The following ULK1 variants were observed in gnomAD, a reference collection of about 807,000 sequenced individuals.
ULK1 encodes unc-51 like autophagy activating kinase 1.
In ULK1, 48 loss-of-function variants were observed where a neutral mutation model predicts 117.5. That is an observed-to-expected ratio of 0.41 (90% CI 0.32 to 0.52). ULK1 has a LOEUF of 0.52. Among genes scored for constraint, ULK1 ranks in the 20% least tolerant of loss-of-function variants. The pLI, the probability that ULK1 is intolerant of heterozygous loss-of-function variation, is 0.29. For missense variants in ULK1, 1,387 were observed against 1,473.4 expected (o/e 0.94, Z 0.96); for synonymous variants, 790 against 637.8 (o/e 1.24, Z -3.60).
chr12:131,896,270 T>C (rs1211863849), intron 3 of ULK1, among the ~76,000 whole-genome samples: 1 of 151,966 alleles, frequency 6.6e-6, no homozygotes, highest in Admixed American at 6.5e-5. Flanking sequence ...TCCTGCTCGC[T>C]GGCAGTCAGG....
At chr12:131,895,750 C>A in intron 2 of ULK1, 33 bp from the exon 3 acceptor site, 1 of 1,614,006 alleles carries the variant, frequency 6.2e-7, no homozygotes, top group Non-Finnish European at 8.5e-7. Context: ...CCCCCCTCCC[C>A]ACACTGATAA....
chr12:131,917,369 G>GGTGGGGCTCGGAGGCTGTGGGATGGGGGT (rs200803960), intron 21 of ULK1, 42 bp from the exon 22 acceptor site: 1 of 1,403,820 alleles, frequency 7.1e-7, no homozygotes, highest in African/African-American at 1.5e-5. Flanking sequence ...ATGGGGGTCG[G>GGTGGGGCTCGGAGGCTGTGGGATGGGGGT]CGGGAGTCAG....
At chr12:131,912,696 G>C (rs1184533617) in intron 13 of ULK1, among the ~76,000 whole-genome samples, 2 of 152,264 alleles carry the variant, frequency 1.3e-5, no homozygotes, top group African/African-American at 4.8e-5. Context: ...GGCTTCTGCG[G>C]GGGTGGTGAG....
chr12:131,915,885 C>T lies in ULK1; in HGVS notation c.1610-6C>T. ...GAAGGTCGTGACGAGGCGTGTCTCT[C>T]TCTAGGCTCCTCTGCACCCGAGCAC... is the stretch of plus-strand genomic sequence containing the variant. On this transcript the variant is annotated splice_region_variant and splice_polypyrimidine_tract_variant and intron_variant, in intron 18 of 27. Transcript: ENST00000321867. 6.2e-7 allele frequency: 1 copy of T among 1,609,338 alleles called. No individual in the cohort carries two copies. The highest frequency in any genetic ancestry group is 8.5e-7 in the Non-Finnish European group (1 of 1,179,768).
chr12:131,907,474 T>C, intron 4 of ULK1, 21 bp from the exon 5 acceptor site: 2 of 1,612,302 alleles, frequency 1.2e-6, no homozygotes, highest in African/African-American at 1.3e-5. Flanking sequence ...TGCAGCCTGA[T>C]GCGTGTCTGG....
At chr12:131,901,520 C>T (rs1437823959) in intron 3 of ULK1, among the ~76,000 whole-genome samples, 1 of 152,216 alleles carries the variant, frequency 6.6e-6, no homozygotes, top group Non-Finnish European at 1.5e-5. Context: ...CACGTCCGTC[C>T]TCCTGTGTGC....
Position 131,908,639 on chromosome 12 carries a change from C to A in ULK1, c.317-5C>A. On this transcript the variant is annotated splice_polypyrimidine_tract_variant and splice_region_variant and intron_variant, in intron 5 of 27. Transcript: ENST00000321867. ...CCCCAGGCCCTGAGCCGCCTCTCCC[C>A]GCAGCCATGCGCACGCTGAGCGAGG... The A allele has an allele frequency of 6.7e-7, 1 of 1,501,220 alleles. No homozygotes were observed. Among genetic ancestry groups the A allele is most frequent in the East Asian group, 2.4e-5 (1 of 41,670 alleles). The allele number at this position is 1,501,220 out of a possible 1,614,324, so 93.0% of individuals were successfully genotyped here.
In ULK1 at chr12:131,920,059, C is replaced by A. The variant is rs112712246; in HGVS notation, c.2884C>A (p.Leu962Met). The change falls in exon 26 of 28, where the codon CTG (leucine) becomes ATG (methionine). Residue 962 changes from leucine to methionine, a missense_variant. Physicochemically the swap from Leu to Met is conservative, Grantham distance 15. Around this residue, in one of 4 missense-constraint regions of ULK1, gnomAD observed 900 missense variants for 858.9 expected, o/e 1.05. Transcript: ENST00000321867. ...GAGCCTGCGGCTGCAGCGCTTCTTC[C>A]TGGACAAGCAGCGGCTCCTGGACCG... ...GLSLRLQRFF[L>M]DKQRLLDRIH... 1 of 1,612,858 alleles carries A rather than the reference C, an allele frequency of 6.2e-7. No homozygotes were observed.
Position 131,909,595 on chromosome 12 carries a change from C to T in ULK1, c.667-180C>T, listed in dbSNP as rs1056562696. On this transcript the variant is annotated intron_variant, in intron 8 of 27. Coordinates refer to ENST00000321867, the MANE Select transcript of ULK1 (RefSeq NM_003565.4). ...GGTGGACACCCCGAGAGACCGTCGGCGCCCCCTCCCCGCCCCCATGCTCAT... is the reference window on the plus strand; with the variant it reads ...GGTGGACACCCCGAGAGACCGTCGGTGCCCCCTCCCCGCCCCCATGCTCAT... Among the ~76,000 whole-genome samples, 20 of 152,272 alleles carry T rather than the reference C, an allele frequency of 1.3e-4. No individual in the cohort carries two copies. The East Asian group carries it at 3.9e-3, about 29-fold the overall frequency.
At chr12:131,909,325 C>G in intron 8 of ULK1, 88 bp downstream of exon 8, 1 of 1,399,302 alleles carries the variant, frequency 7.1e-7, no homozygotes, top group Non-Finnish European at 9.5e-7. Flanking sequence ...GAGCCCTGCC[C>G]GCGCCCCACG....
chr12:131,897,775 G>A (rs1404965111), intron 3 of ULK1: 2 of 152,152 alleles, frequency 1.3e-5, no homozygotes, highest in Non-Finnish European at 2.9e-5. Flanking sequence ...GCCAGGCATA[G>A]TGGCATGTCT....
rs1889619371 is a variant in ULK1, at chr12:131,913,231, C to A, written c.1130C>A (p.Pro377His). 2.5e-6 allele frequency: 4 copies of A among 1,591,408 alleles called. No homozygotes were observed. The highest frequency in any genetic ancestry group is 3.4e-6 in the Non-Finnish European group (4 of 1,170,942). The change falls in exon 14 of 28, where the codon CCC becomes CAC. Residue 377 changes from proline (P) to histidine (H), a missense_variant. Pro to His is a moderately conservative substitution (Grantham distance 77, BLOSUM62 -2). Around this residue, in one of 4 missense-constraint regions of ULK1, gnomAD observed 260 missense variants for 271.6 expected, o/e 0.96. Coordinates refer to ENST00000321867, the MANE Select transcript of ULK1 (RefSeq NM_003565.4). ...DLVAEAPSAK[P>H]PPDSLMCSGS... ...GTGGCTGAGGCGCCCAGTGCCAAAC[C>A]CCCGCCAGACAGCCTGATGTGCAGT...
intron 19 of ULK1, 48 bp from the exon 20 acceptor site, chr12:131,916,350 G>T: frequency 6.5e-7 from 1 of 1,527,938 alleles, no homozygotes; most frequent in African/African-American, 1.4e-5. Context: ...CCGGGCCCCA[G>T]GGCTGCAGAC....
At position 131,894,978 on chromosome 12, in the gene ULK1, C is replaced by CCGCG. The variant is rs1888801514; in HGVS notation, c.-22_-19dup. 7.8e-7 allele frequency: 1 copy of CCGCG among 1,276,078 alleles called. No homozygotes were observed. Among genetic ancestry groups the CCGCG allele is most frequent in the East Asian group, 3.5e-5 (1 of 28,246 alleles). 79.0% of individuals were successfully genotyped at this position (1,276,078 alleles called of 1,614,324 possible). On this transcript the variant is annotated 5_prime_UTR_variant, in exon 1 of 28. Coordinates refer to ENST00000321867, the MANE Select transcript of ULK1 (RefSeq NM_003565.4). ...GCGCCTTGGCCCGCCACCCCCCGCC[C>CCGCG]CGCGCCCCCGGCCCGCCTGCGCCAT...
intron 16 of ULK1, 69 bp downstream of exon 16, chr12:131,914,546 C>G (rs952295300): frequency 1.9e-6 from 3 of 1,550,676 alleles, no homozygotes; most frequent in Non-Finnish European, 2.6e-6. Flanking sequence ...TTCCACGGCT[C>G]CCATAGAGGG....
At chr12:131,901,013 GGAATTACCTCC>G (rs1288140963) in intron 3 of ULK1, among the ~76,000 whole-genome samples, 1 of 152,102 alleles carries the variant, frequency 6.6e-6, no homozygotes, top group Non-Finnish European at 1.5e-5. Flanking sequence ...AGGCAGTTCT[GGAATTACCTCC>G]GAAGTTGTGT....
At chr12:131,917,576 G>A (rs781377500) in intron 22 of ULK1, 22 bp downstream of exon 22, 4 of 1,386,066 alleles carry the variant, frequency 2.9e-6, no homozygotes, top group South Asian at 3.7e-5. Context: ...CTAGGCTGAA[G>A]CCCTGTCCCT....
Position 131,915,883 on chromosome 12 carries a change from C to T in ULK1, c.1610-8C>T, listed in dbSNP as rs1477329212. The T allele has an allele frequency of 6.2e-7, 1 of 1,608,836 alleles. No homozygotes were observed. Among genetic ancestry groups the T allele is most frequent in the South Asian group, 1.1e-5 (1 of 91,062 alleles). On this transcript the variant is annotated splice_region_variant and splice_polypyrimidine_tract_variant and intron_variant, in intron 18 of 27. Coordinates refer to ENST00000321867, the MANE Select transcript of ULK1 (RefSeq NM_003565.4). ...CGGAAGGTCGTGACGAGGCGTGTCT[C>T]TCTCTAGGCTCCTCTGCACCCGAGC...
chr12:131,921,383 C>CCCCG lies in ULK1; in HGVS notation c.*23_*26dup, dbSNP rs1246325895. 3 of 1,600,818 alleles carry CCCCG rather than the reference C, an allele frequency of 1.9e-6. No homozygotes were observed. On this transcript the variant is annotated 3_prime_UTR_variant, in exon 28 of 28. Transcript: ENST00000321867. ...CTGACCTTTCTGGCCTGGCTGGGCC[C>CCCCG]CCCGTCCTGCCGAGCCCTGCAGAGT...
Sources: allele counts gnomAD v4.1 joint callset (sites outside exome capture counted in the v4.1 genomes callset), GRCh38; gene constraint gnomAD v4.1.1; regional missense constraint gnomAD v4.1.1; transcripts MANE v1.5; gene names NCBI Gene and HGNC (gene_info 2026-07-23, HGNC 2026-07-21).